CALN1: variants seen among roughly 807,000 people sequenced by gnomAD.
The protein encoded by CALN1 is calcium-binding protein 8.
Under a neutral mutation model 30.6 loss-of-function variants are expected in CALN1, and 17 were observed. The observed-to-expected ratio is 0.56, with a 90% confidence interval of 0.38 to 0.83. The LOEUF is 0.83. Among genes scored for constraint, CALN1 ranks in the 40% least tolerant of loss-of-function variants. CALN1 has a pLI of 0.00. For missense variants in CALN1, 291 were observed against 354.9 expected (o/e 0.82, Z 1.45); for synonymous variants, 156 against 131.4 (o/e 1.19, Z -1.28).
At chr7:71,877,658 A>C (rs556117093) in intron 5 of CALN1, among the ~76,000 whole-genome samples, 2 of 151,254 alleles carry the variant, frequency 1.3e-5, no homozygotes, top group South Asian at 4.2e-4. Flanking sequence ...CGATGGAGAA[A>C]TAAAAAGACA....
At chr7:71,808,060 T>G (rs1019747764) in intron 6 of CALN1, among the ~76,000 whole-genome samples, 1 of 152,018 alleles carries the variant, frequency 6.6e-6, no homozygotes, top group Admixed American at 6.6e-5. Context: ...GGTGACACAG[T>G]GAGACTTTGT....
chr7:71,922,014 T>C (rs1240818233), intron 5 of CALN1, among the ~76,000 whole-genome samples: 2 of 152,236 alleles, frequency 1.3e-5, no homozygotes, highest in African/African-American at 2.4e-5. Context: ...GTGGCCGTTA[T>C]GGCCAGGGAG....
Position 71,949,044 on chromosome 7 carries a change from T to TA in CALN1, c.501+74612dup, listed in dbSNP as rs34370568. Among the ~76,000 whole-genome samples the TA allele has an allele frequency of 0.023, 1,519 of 66,920 alleles. 147 individuals are homozygous for TA. The East Asian group carries it at 0.34, about 15-fold the overall frequency. The allele number at this position is 66,920 out of a possible 152,430, so 43.9% of individuals were successfully genotyped here. ...AGTCACACAGCAAGACTCTGTCTCT[T>TA]AAAAAAAAAAAAAAAAAAAAAAAAA... On this transcript the variant is annotated intron_variant, in intron 5 of 6. Coordinates refer to ENST00000395275, the MANE Select transcript of CALN1 (RefSeq NM_031468.4).
intron 3 of CALN1, among the ~76,000 whole-genome samples, chr7:72,255,085 C>T (rs1795821850): frequency 7.2e-6 from 1 of 138,878 alleles, no homozygotes. Context: ...GCCACCATGC[C>T]CGGCCTTTCT....
chr7:71,961,904 AG>A (rs1797265969), intron 5 of CALN1, among the ~76,000 whole-genome samples: 1 of 152,120 alleles, frequency 6.6e-6, no homozygotes, highest in Non-Finnish European at 1.5e-5. Flanking sequence ...AGACCTCGTG[AG>A]GTTCCAGTAA....
At chr7:72,312,939 A>C (rs901370230) in intron 2 of CALN1, among the ~76,000 whole-genome samples, 3 of 152,012 alleles carry the variant, frequency 2.0e-5, no homozygotes, top group Non-Finnish European at 4.4e-5. Flanking sequence ...GGTTCAAATG[A>C]TTCTCCTGCC....
intron 3 of CALN1, among the ~76,000 whole-genome samples, chr7:72,174,521 AGGTGGAT>A (rs1789195504): frequency 1.3e-5 from 2 of 152,210 alleles, no homozygotes; most frequent in Non-Finnish European, 2.9e-5. Context: ...GTCCATCAAC[AGGTGGAT>A]GGATAAATTG....
At chr7:71,794,372 C>T (rs185841249) in intron 6 of CALN1, among the ~76,000 whole-genome samples, 181 of 152,284 alleles carry the variant, frequency 1.2e-3, no homozygotes, top group African/African-American at 3.9e-3. Flanking sequence ...CATACATTTG[C>T]ATTGTACTAT....
At chr7:72,389,660 C>T (rs1169670477) in intron 2 of CALN1, among the ~76,000 whole-genome samples, 1 of 152,304 alleles carries the variant, frequency 6.6e-6, no homozygotes, top group East Asian at 1.9e-4. Context: ...TGGCTTGTGC[C>T]TGTAATCCCA....
rs1793049867 is a variant in CALN1 at position 71,787,641 on chromosome 7, C to G, written c.*134G>C. 2 of 1,315,638 alleles carry G rather than the reference C, an allele frequency of 1.5e-6. No individual in the cohort carries two copies. Among genetic ancestry groups the G allele is most frequent in the African/African-American group, 2.9e-5 (2 of 68,164 alleles). 81.5% of individuals were successfully genotyped at this position (1,315,638 alleles called of 1,614,324 possible). ...CCCCAGTTGCACTCAACCTTGGGTT[C>G]TTTACTGAACGGTTCCATCGTCCGC... On this transcript the variant is annotated 3_prime_UTR_variant, in exon 7 of 7. Transcript: ENST00000395275.
At chr7:72,250,178 C>T (rs924078572) in intron 3 of CALN1, among the ~76,000 whole-genome samples, 2 of 152,158 alleles carry the variant, frequency 1.3e-5, no homozygotes, top group East Asian at 3.9e-4. Flanking sequence ...TCTTTTCTAG[C>T]CACTGGCTCC....
intron 5 of CALN1, among the ~76,000 whole-genome samples, chr7:71,827,759 G>A (rs893940722): frequency 7.0e-6 from 1 of 142,806 alleles, no homozygotes; most frequent in Admixed American, 7.3e-5. Flanking sequence ...GTGACAGAGT[G>A]AGACTCCATC....
At chr7:72,149,518 C>G (rs1475379209) in intron 3 of CALN1, among the ~76,000 whole-genome samples, 1 of 151,924 alleles carries the variant, frequency 6.6e-6, no homozygotes, top group Non-Finnish European at 1.5e-5. Context: ...TATAAATTAC[C>G]CAGCCTCAGA....
At chr7:72,127,124 G>A in intron 3 of CALN1, among the ~76,000 whole-genome samples, 1 of 151,834 alleles carries the variant, frequency 6.6e-6, no homozygotes, top group East Asian at 2.0e-4. Flanking sequence ...GGATGGAATG[G>A]TACCATTTAA....
chr7:72,462,980 T>A, the CALN1 span, among the ~76,000 whole-genome samples: 1 of 152,254 alleles, frequency 6.6e-6, no homozygotes, highest in African/African-American at 2.4e-5. Context: ...CAATCATGCG[T>A]ACTGTTCAGC....
At chr7:72,099,458 C>A (rs1360708467) in intron 4 of CALN1, among the ~76,000 whole-genome samples, 1 of 143,136 alleles carries the variant, frequency 7.0e-6, no homozygotes, top group Non-Finnish European at 1.5e-5. Flanking sequence ...TAATTAGAAT[C>A]TTTTTTTTTT....
chr7:72,292,475 C>A (rs1311541817), intron 2 of CALN1, among the ~76,000 whole-genome samples: 1 of 147,142 alleles, frequency 6.8e-6, no homozygotes, highest in Non-Finnish European at 1.5e-5. Context: ...TATCATGACC[C>A]AATCACCTCT....
chr7:72,502,889 A>AC, the CALN1 span, among the ~76,000 whole-genome samples: 1 of 152,174 alleles, frequency 6.6e-6, no homozygotes, highest in African/African-American at 2.4e-5. Context: ...GCAGTGGCTC[A>AC]CACCTGTAAT....
chr7:72,405,642 G>GA (rs1283595073), intron 1 of CALN1, among the ~76,000 whole-genome samples: 2 of 151,896 alleles, frequency 1.3e-5, no homozygotes, highest in African/African-American at 4.8e-5. Context: ...GGCACATGCC[G>GA]AAACTCTTGG....
Sources: gnomAD v4.1 joint callset for allele counts (sites outside exome capture counted in the v4.1 genomes callset) on GRCh38, gnomAD v4.1.1 for gene constraint, MANE v1.5 for transcripts, NCBI Gene and HGNC (gene_info 2026-07-23, HGNC 2026-07-21) for gene names.